Variants in SPINK1 observed in about 807,000 individuals in gnomAD.
SPINK1 encodes the protein serine protease inhibitor Kazal-type 1.
SPINK1 carries 5 observed loss-of-function variants against 9.5 expected under a neutral mutation model. The ratio of observed to expected loss-of-function variants is 0.52; its 90% CI spans 0.27 to 1.10. The LOEUF is 1.10. Among genes scored for constraint, SPINK1 ranks in the 50% least tolerant of loss-of-function variants. SPINK1 has a pLI of 0.11. For synonymous variants in SPINK1, 37 were observed against 32.3 expected, an observed-to-expected ratio of 1.14 and a Z score of -0.49; for missense variants, 88 against 92.7, an observed-to-expected ratio of 0.95 and a Z score of 0.21.
At chr5:147,838,057 A>G in the SPINK1 span, among the ~76,000 whole-genome samples, 1 of 152,010 alleles carries the variant, frequency 6.6e-6, no homozygotes, top group Non-Finnish European at 1.5e-5. Context: ...CCTGTCTTGG[A>G]CCCACAAGAG....
chr5:147,838,295 T>C, the SPINK1 span, among the ~76,000 whole-genome samples: 1 of 152,164 alleles, frequency 6.6e-6, no homozygotes, highest in Non-Finnish European at 1.5e-5. Flanking sequence ...TAGCTAAAGG[T>C]AGTAGTGTAT....
chr5:147,839,083 G>T, the SPINK1 span, among the ~76,000 whole-genome samples: 1 of 152,196 alleles, frequency 6.6e-6, no homozygotes. Context: ...AAGGAAAGAG[G>T]TTTAATTGAC....
chr5:147,827,220 GCGCC>G (rs1340197435), intron 3 of SPINK1: 2 of 152,060 alleles, frequency 1.3e-5, no homozygotes. Context: ...GGTATTATAG[GCGCC>G]CGCCACCATG....
chr5:147,837,649 T>TTTCTTTCTTTCTTTCCTTC, the SPINK1 span, among the ~76,000 whole-genome samples: 4 of 107,032 alleles, frequency 3.7e-5, no homozygotes, highest in African/African-American at 1.5e-4. Context: ...CATTAACTTC[T>TTTCTTTCTTTCTTTCCTTC]TTTCTTTCTT....
At chr5:147,833,000 G>A (rs979613119), upstream of SPINK1, among the ~76,000 whole-genome samples, 18 of 152,114 alleles carry the variant, frequency 1.2e-4, no homozygotes, top group Admixed American at 2.6e-4. Context: ...TGGAGAAAAG[G>A]ACAAGAAGGA....
intron 3 of SPINK1, among the ~76,000 whole-genome samples, chr5:147,825,501 G>A (rs913623538): frequency 3.3e-5 from 5 of 150,492 alleles, no homozygotes; most frequent in African/African-American, 1.2e-4. Flanking sequence ...GAGTGCAGTG[G>A]TGTGACCTTG....
chr5:147,837,281 C>T, the SPINK1 span, among the ~76,000 whole-genome samples: 1 of 152,152 alleles, frequency 6.6e-6, no homozygotes, highest in Non-Finnish European at 1.5e-5. Flanking sequence ...CATCTCTTGA[C>T]AGATTTTGCT....
At chr5:147,835,105 C>T (rs1756574514), upstream of SPINK1, among the ~76,000 whole-genome samples, 1 of 151,808 alleles carries the variant, frequency 6.6e-6, no homozygotes, top group African/African-American at 2.4e-5. Flanking sequence ...CCTTTGCAGA[C>T]AACAAGTTAA....
At chr5:147,828,345 TG>T (rs1421168251) in intron 2 of SPINK1, among the ~76,000 whole-genome samples, 2 of 152,220 alleles carry the variant, frequency 1.3e-5, no homozygotes, top group African/African-American at 2.4e-5. Flanking sequence ...GTAAGTCCTA[TG>T]GCCCTTCTGA....
chr5:147,833,278 G>T (rs942000591), upstream of SPINK1, among the ~76,000 whole-genome samples: 1 of 152,160 alleles, frequency 6.6e-6, no homozygotes, highest in Non-Finnish European at 1.5e-5. Context: ...AATGGAAGCA[G>T]TGAGGGTCTA....
At chr5:147,824,872 T>C (rs1163095662) in intron 3 of SPINK1, among the ~76,000 whole-genome samples, 166 bp from the exon 4 acceptor site, 2 of 152,230 alleles carry the variant, frequency 1.3e-5, no homozygotes, top group Non-Finnish European at 2.9e-5. Context: ...CACTTAGTCA[T>C]TAATTCATCA....
intron 1 of SPINK1, among the ~76,000 whole-genome samples, chr5:147,830,363 G>A (rs1276340651): frequency 6.6e-6 from 1 of 152,130 alleles, no homozygotes; most frequent in Non-Finnish European, 1.5e-5. Flanking sequence ...ATAAGTTCAT[G>A]GAAGGGAAAG....
At chr5:147,838,119 G>A in the SPINK1 span, among the ~76,000 whole-genome samples, 2 of 152,118 alleles carry the variant, frequency 1.3e-5, no homozygotes, top group Non-Finnish European at 1.5e-5. Flanking sequence ...TCTAAGTCTC[G>A]TTTTCCAGAA....
rs1235919318 is a variant in SPINK1 at position 147,824,673 on chromosome 5, A to C, written c.228T>G (p.Ser76=). ...KRQTSILIQK[S]GPC ...AAAACCTTGGTTCTCAGCAAGGCCC[A>C]GATTTTTGAATGAGGATAGAAGTCT... The change falls in exon 4 of 4, where the codon TCT becomes TCG. Residue 76 remains serine, a synonymous_variant. Transcript: ENST00000296695. The C allele has an allele frequency of 1.2e-6, 2 of 1,614,018 alleles. No individual in the cohort carries two copies. The highest frequency in any genetic ancestry group is 1.3e-5 in the African/African-American group (1 of 74,944).
upstream of SPINK1, among the ~76,000 whole-genome samples, chr5:147,832,936 G>T (rs1045570580): frequency 2.0e-5 from 3 of 152,080 alleles, no homozygotes; most frequent in African/African-American, 7.2e-5. Flanking sequence ...TTTGTTGAGG[G>T]AGGCAAGTGA....
upstream of SPINK1, among the ~76,000 whole-genome samples, chr5:147,833,172 G>T: frequency 6.6e-6 from 1 of 152,122 alleles, no homozygotes; most frequent in East Asian, 1.9e-4. Context: ...AAGCGCAAAG[G>T]TTCTGAGGCT....
intron 1 of SPINK1, 148 bp from the exon 2 acceptor site, chr5:147,829,778 A>G (rs1756477309): frequency 1.2e-6 from 1 of 811,984 alleles, no homozygotes. Flanking sequence ...CTAATCTTCC[A>G]AAAGTATCTG....
chr5:147,837,517 C>T, the SPINK1 span, among the ~76,000 whole-genome samples: 1 of 152,254 alleles, frequency 6.6e-6, no homozygotes, highest in South Asian at 2.1e-4. Flanking sequence ...TCTACTATTG[C>T]TGCCATATGG....
chr5:147,838,408 TAAA>T, the SPINK1 span, among the ~76,000 whole-genome samples: 56 of 152,268 alleles, frequency 3.7e-4, no homozygotes, highest in African/African-American at 1.3e-3. Context: ...ATGAAGATCA[TAAA>T]AACAATTTCA....
Sources: allele counts gnomAD v4.1 joint callset (sites outside exome capture counted in the v4.1 genomes callset), GRCh38; gene constraint gnomAD v4.1.1; transcripts MANE v1.5; gene names NCBI Gene and HGNC (gene_info 2026-07-23, HGNC 2026-07-21).